The following ARID1B variants were observed in gnomAD, a reference collection of about 807,000 sequenced individuals.
ARID1B encodes the protein AT-rich interaction domain 1B.
ARID1B carries 30 observed loss-of-function variants against 212.3 expected under a neutral mutation model. The observed-to-expected ratio is 0.14, with a 90% CI of 0.11 to 0.19. The LOEUF (loss-of-function observed/expected upper bound fraction) is 0.19, where lower values mean the gene tolerates loss of function less well. ARID1B is among the 10% of genes least tolerant of loss of function. ARID1B has a pLI of 1.00. For synonymous variants in ARID1B, 1,402 were observed against 1,301.7 expected, an observed-to-expected ratio of 1.08 and a Z score of -1.66; for missense variants, 2,891 against 3,204.0, an observed-to-expected ratio of 0.90 and a Z score of 2.36.
At chr6:157,145,890 T>G (rs1789691206) in intron 7 of ARID1B, among the ~76,000 whole-genome samples, 1 of 152,180 alleles carries the variant, frequency 6.6e-6, no homozygotes, top group Non-Finnish European at 1.5e-5. Flanking sequence ...GGGGATTAAG[T>G]GAGTTAACAC....
At chr6:156,796,418 T>TA (rs397770889) in intron 1 of ARID1B, among the ~76,000 whole-genome samples, 7 of 151,554 alleles carry the variant, frequency 4.6e-5, no homozygotes, top group South Asian at 2.1e-4. Flanking sequence ...TTTTTTTTTT[T>TA]AAACTTATGA....
intron 4 of ARID1B, among the ~76,000 whole-genome samples, chr6:157,033,695 C>T (rs912871943): frequency 6.6e-6 from 1 of 152,168 alleles, no homozygotes; most frequent in Non-Finnish European, 1.5e-5. Flanking sequence ...AGAGTGAGGA[C>T]TGTAAATGGC....
intron 5 of ARID1B, among the ~76,000 whole-genome samples, chr6:157,095,247 G>A (rs1785532817): frequency 6.6e-6 from 1 of 152,158 alleles, no homozygotes; most frequent in South Asian, 2.1e-4. Context: ...GAAGGTCAGT[G>A]CTCCTCAGCA....
At chr6:156,934,072 C>G (rs538066348) in intron 3 of ARID1B, among the ~76,000 whole-genome samples, 1 of 152,326 alleles carries the variant, frequency 6.6e-6, no homozygotes, top group East Asian at 1.9e-4. Flanking sequence ...AGGGACTTAA[C>G]AGAAGTAGAA....
At chr6:156,846,112 C>T (rs1784210916) in intron 2 of ARID1B, among the ~76,000 whole-genome samples, 1 of 151,974 alleles carries the variant, frequency 6.6e-6, no homozygotes, top group South Asian at 2.1e-4. Context: ...TTCCTTTCAG[C>T]CCTTCACCTA....
chr6:156,855,075 A>G (rs1374713073), intron 2 of ARID1B, among the ~76,000 whole-genome samples: 2 of 152,234 alleles, frequency 1.3e-5, no homozygotes, highest in East Asian at 1.9e-4. Flanking sequence ...TTCATGAAGC[A>G]TAAAATTCAA....
chr6:156,779,145 G>A lies in ARID1B; in HGVS notation c.1465G>A (p.Ala489Thr), dbSNP rs1256741858. ...GGCGGCGGGGGGCTTCCAGCGCTTC[G>A]CCGGCCAGAACCAGCACCCGTCGGG... ...GSAAGGFQRFAGQNQHPSGAT... is the reference protein window; with the variant it reads ...GSAAGGFQRFTGQNQHPSGAT... Residue 489 changes from alanine to threonine, a missense_variant, in exon 1 of 20, where the codon GCC becomes ACC. Ala to Thr is a moderately conservative substitution (Grantham distance 58). Around this residue, in one of 7 missense-constraint regions of ARID1B, gnomAD observed 1,643 missense variants for 1,544.0 expected, o/e 1.06. Coordinates refer to ENST00000636930, the MANE Select transcript of ARID1B (RefSeq NM_001374828.1). 1.6e-6 allele frequency: 2 copies of A among 1,278,710 alleles called. No individual in the cohort carries two copies. Among genetic ancestry groups the A allele is most frequent in the South Asian group, 2.3e-5 (1 of 44,284 alleles). The allele number at this position is 1,278,710 out of a possible 1,614,324, so 79.2% of individuals were successfully genotyped here.
At chr6:156,786,299 C>G (rs1331800155) in intron 1 of ARID1B, among the ~76,000 whole-genome samples, 5 of 151,998 alleles carry the variant, frequency 3.3e-5, no homozygotes, top group Non-Finnish European at 7.4e-5. Context: ...CCATAGTGTT[C>G]TCTGCCACCA....
chr6:157,048,461 A>G (rs1782384398), intron 4 of ARID1B, among the ~76,000 whole-genome samples: 1 of 152,226 alleles, frequency 6.6e-6, no homozygotes, highest in Non-Finnish European at 1.5e-5. Context: ...GATAATGCAA[A>G]TAAAACATTT....
At chr6:157,047,679 CTT>C (rs1782329014) in intron 4 of ARID1B, among the ~76,000 whole-genome samples, 1 of 152,106 alleles carries the variant, frequency 6.6e-6, no homozygotes, top group Non-Finnish European at 1.5e-5. Flanking sequence ...GAAAAGTGGT[CTT>C]TTTAAGAGAG....
At chr6:157,041,665 C>G (rs1215994365) in intron 4 of ARID1B, among the ~76,000 whole-genome samples, 2 of 152,178 alleles carry the variant, frequency 1.3e-5, no homozygotes, top group Non-Finnish European at 2.9e-5. Flanking sequence ...AACAGGAACT[C>G]AGAGTCTAGA....
chr6:157,027,664 C>T (rs1780746033), intron 4 of ARID1B, among the ~76,000 whole-genome samples: 1 of 152,142 alleles, frequency 6.6e-6, no homozygotes, highest in Admixed American at 6.5e-5. Context: ...TTTAAAACAC[C>T]TTTTCATTCT....
intron 2 of ARID1B, among the ~76,000 whole-genome samples, chr6:156,855,120 G>A (rs972800436): frequency 7.2e-5 from 11 of 152,184 alleles, no homozygotes; most frequent in African/African-American, 9.6e-5. Flanking sequence ...AAGTTAACAC[G>A]AAGAGATGAA....
intron 4 of ARID1B, among the ~76,000 whole-genome samples, chr6:157,064,849 C>G (rs74515468): frequency 0.028 from 4,191 of 152,242 alleles, 297 homozygotes; most frequent in East Asian, 0.27. Flanking sequence ...TTCTCTCCCT[C>G]TTTTTTTGAT....
chr6:157,169,753 A>G (rs1791585686), intron 9 of ARID1B: 1 of 152,172 alleles, frequency 6.6e-6, no homozygotes, highest in African/African-American at 2.4e-5. Flanking sequence ...TTTATCTCCC[A>G]TCTGTGGTTC....
At chr6:156,913,124 G>C (rs1211086855) in intron 3 of ARID1B, among the ~76,000 whole-genome samples, 2 of 149,826 alleles carry the variant, frequency 1.3e-5, no homozygotes, top group Non-Finnish European at 3.0e-5. Flanking sequence ...ATTGTAGAGT[G>C]AGTACATCTA....
intron 4 of ARID1B, among the ~76,000 whole-genome samples, chr6:157,003,290 G>A (rs749245999): frequency 1.2e-4 from 19 of 152,210 alleles, no homozygotes; most frequent in Admixed American, 6.5e-5. Context: ...AGGATTTTGT[G>A]TATGGACAAC....
Position 157,041,431 on chromosome 6 carries a change from C to T in ARID1B, c.2248-43231C>T, listed in dbSNP as rs553402316. Among the ~76,000 whole-genome samples the T allele has an allele frequency of 2.0e-4, 29 of 142,504 alleles. No individual in the cohort carries two copies. The South Asian group carries it at 5.4e-3, about 27-fold the overall frequency. 93.5% of individuals were successfully genotyped at this position (142,504 alleles called of 152,430 possible). A position where few individuals can be genotyped will look rare whatever the true frequency, so the allele number is the denominator to read the frequency against. On this transcript the variant is annotated intron_variant, in intron 4 of 19. Transcript: ENST00000636930. The stretch of plus-strand genomic sequence containing the variant: ...AACAAGAAAGGGGTATGTAATTAGC[C>T]CTGGGTCATTAAAAAACATGTAAAC...
intron 4 of ARID1B, among the ~76,000 whole-genome samples, chr6:156,983,324 G>A (rs541144110): frequency 1.2e-4 from 18 of 152,240 alleles, no homozygotes; most frequent in Non-Finnish European, 2.2e-4. Flanking sequence ...GAACCCAGGC[G>A]GCAGAGGTTG....
Sources: allele counts gnomAD v4.1 joint callset (sites outside exome capture counted in the v4.1 genomes callset), GRCh38; gene constraint gnomAD v4.1.1; regional missense constraint gnomAD v4.1.1; transcripts MANE v1.5; gene names NCBI Gene and HGNC (gene_info 2026-07-23, HGNC 2026-07-21).